EYS: variants seen among roughly 807,000 people sequenced by gnomAD.
The protein encoded by EYS is EGF-like photoreceptor maintenance factor.
Under a neutral mutation model 282.1 loss-of-function variants are expected in EYS, and 250 were observed. The ratio of observed to expected loss-of-function variants is 0.89; its 90% CI spans 0.80 to 0.98. EYS has a LOEUF of 0.98. EYS is among the 50% of genes least tolerant of loss of function. EYS has a pLI of 0.00. For synonymous variants in EYS, 1,355 were observed against 1,282.9 expected, an observed-to-expected ratio of 1.06 and a Z score of -1.20; for missense variants, 4,016 against 3,709.0, an observed-to-expected ratio of 1.08 and a Z score of -2.15.
chr6:64,385,067 A>G (rs1772865206), intron 29 of EYS, among the ~76,000 whole-genome samples: 1 of 152,202 alleles, frequency 6.6e-6, no homozygotes, highest in South Asian at 2.1e-4. Flanking sequence ...TTTTCTGAGC[A>G]CTAACAGCCT....
intron 12 of EYS, among the ~76,000 whole-genome samples, chr6:65,089,960 A>ATT (rs58835687): frequency 1.5e-5 from 2 of 132,836 alleles, no homozygotes; most frequent in East Asian, 4.2e-4. Flanking sequence ...AAAAAAAAAA[A>ATT]TTATATATAT....
chr6:65,392,172 A>G, intron 7 of EYS, among the ~76,000 whole-genome samples: 1 of 151,968 alleles, frequency 6.6e-6, no homozygotes, highest in South Asian at 2.1e-4. Context: ...AAATCAATTC[A>G]AGATGGATTA....
At chr6:64,370,890 G>A (rs938196959) in intron 29 of EYS, among the ~76,000 whole-genome samples, 42 of 151,868 alleles carry the variant, frequency 2.8e-4, no homozygotes, top group African/African-American at 7.0e-4. Flanking sequence ...TTCTGATTGC[G>A]TTTATTTGGA....
intron 12 of EYS, among the ~76,000 whole-genome samples, chr6:65,106,919 G>A (rs6915644): frequency 0.47 from 71,353 of 151,328 alleles, 17,407 homozygotes; most frequent in African/African-American, 0.56. Flanking sequence ...TACATGGCTG[G>A]GTTTGAGAAA....
intron 35 of EYS, among the ~76,000 whole-genome samples, chr6:63,972,886 C>T (rs1287158089): frequency 3.3e-5 from 5 of 152,094 alleles, no homozygotes; most frequent in Non-Finnish European, 7.4e-5. Flanking sequence ...TTTATGGGTA[C>T]ACAGTATTCC....
intron 12 of EYS, among the ~76,000 whole-genome samples, chr6:65,241,342 T>C (rs1345381425): frequency 2.0e-5 from 3 of 152,252 alleles, no homozygotes; most frequent in Admixed American, 6.5e-5. Context: ...GTTACACGCA[T>C]AGCAACATTT....
chr6:65,617,468 T>G (rs1360063255), intron 2 of EYS, among the ~76,000 whole-genome samples: 1 of 152,088 alleles, frequency 6.6e-6, no homozygotes, highest in Non-Finnish European at 1.5e-5. Flanking sequence ...CAAGGTATAT[T>G]GATAAATGTT....
rs552583787 is a variant in EYS at position 63,793,035 on chromosome 6, A to G, written c.7412-3811T>C. On this transcript the variant is annotated intron_variant, in intron 37 of 42. Coordinates refer to ENST00000503581, the MANE Select transcript of EYS (RefSeq NM_001142800.2). ...TCAGTGATAACGCAAAATGAGTACA[A>G]GGTAAATATATTATGTTTAATGACT... Among the ~76,000 whole-genome samples, 18 of 152,290 alleles carry G rather than the reference A, an allele frequency of 1.2e-4. 1 individual carries two copies. The South Asian group carries it at 3.5e-3, about 30-fold the overall frequency.
intron 22 of EYS, among the ~76,000 whole-genome samples, chr6:64,757,429 A>G (rs1772977725): frequency 6.7e-6 from 1 of 149,860 alleles, no homozygotes; most frequent in Non-Finnish European, 1.5e-5. Context: ...AAAGACATGC[A>G]TTTTTTTTTT....
intron 32 of EYS, among the ~76,000 whole-genome samples, chr6:64,078,696 C>T (rs961964732): frequency 2.0e-5 from 3 of 151,946 alleles, no homozygotes; most frequent in Non-Finnish European, 4.4e-5. Context: ...AATGGATAAT[C>T]GTTACAGTGG....
intron 22 of EYS, among the ~76,000 whole-genome samples, chr6:64,750,036 A>G (rs1772691440): frequency 1.3e-5 from 2 of 152,062 alleles, no homozygotes; most frequent in South Asian, 4.1e-4. Context: ...ATTTGGGATT[A>G]ATTTGACTAC....
In EYS at chr6:65,103,724, G is replaced by A. The variant is rs549909491; in HGVS notation, c.2024-45997C>T. On this transcript the variant is annotated intron_variant, in intron 12 of 42. Transcript: ENST00000503581. ...TCTTTTTTCCAGTAAGTATTTAGAT[G>A]ATGTTATGCAGTAAAAACGCATTAT... 7.3e-5 allele frequency among the ~76,000 whole-genome samples: 11 copies of A among 151,534 alleles called. No homozygotes were observed. The South Asian group carries it at 2.3e-3, about 31-fold the overall frequency.
At chr6:64,474,016 C>A (rs540114089) in intron 26 of EYS, among the ~76,000 whole-genome samples, 1 of 152,108 alleles carries the variant, frequency 6.6e-6, no homozygotes, top group Admixed American at 6.5e-5. Flanking sequence ...ATTATAAATT[C>A]TTATATCCCC....
chr6:65,441,143 A>C (rs1768308860), intron 5 of EYS, among the ~76,000 whole-genome samples: 1 of 151,202 alleles, frequency 6.6e-6, no homozygotes, highest in African/African-American at 2.4e-5. Context: ...TTTGCTGATA[A>C]TATTTTTTGC....
intron 7 of EYS, among the ~76,000 whole-genome samples, chr6:65,396,194 C>T (rs1302458652): frequency 6.6e-6 from 1 of 152,178 alleles, no homozygotes; most frequent in African/African-American, 2.4e-5. Flanking sequence ...AGCATACTGT[C>T]TCAACTCAAA....
At chr6:65,525,978 C>T (rs895254866) in intron 2 of EYS, among the ~76,000 whole-genome samples, 1 of 152,056 alleles carries the variant, frequency 6.6e-6, no homozygotes. Context: ...TACAAATTAC[C>T]CTGAGACTGG....
intron 24 of EYS, among the ~76,000 whole-genome samples, chr6:64,601,398 T>A: frequency 6.6e-6 from 1 of 151,084 alleles, no homozygotes; most frequent in Admixed American, 6.7e-5. Context: ...TCTAACATGT[T>A]CCTCCAACCA....
intron 19 of EYS, 45 bp from the exon 20 acceptor site, chr6:64,822,867 A>C (rs560648459): frequency 1.2e-5 from 18 of 1,489,392 alleles, no homozygotes; most frequent in Non-Finnish European, 1.6e-5. Flanking sequence ...ATTTAAATAC[A>C]AAACTCTTAA....
chr6:65,123,650 T>C (rs1206546784), intron 12 of EYS, among the ~76,000 whole-genome samples: 2 of 152,062 alleles, frequency 1.3e-5, no homozygotes, highest in East Asian at 3.9e-4. Flanking sequence ...TATTACTTAA[T>C]GTTATGTCTT....
Sources: gnomAD v4.1 joint callset for allele counts (sites outside exome capture counted in the v4.1 genomes callset) on GRCh38, gnomAD v4.1.1 for gene constraint, MANE v1.5 for transcripts, NCBI Gene and HGNC (gene_info 2026-07-23, HGNC 2026-07-21) for gene names.